Variants in TPRG1 observed in about 807,000 individuals in gnomAD.
TPRG1 encodes the protein tumor protein p63 regulated 1.
A neutral mutation model predicts 29.3 loss-of-function variants in TPRG1; 29 were observed. The ratio of observed to expected loss-of-function variants is 0.99; its 90% CI spans 0.74 to 1.35. TPRG1 has a LOEUF of 1.35. TPRG1 is among the 40% of genes most tolerant of loss of function. The probability of loss-of-function intolerance (pLI) is 0.00; values close to 1 mark genes in which losing one functional copy is unlikely to be tolerated. For synonymous variants in TPRG1, 130 were observed against 116.8 expected, an observed-to-expected ratio of 1.11 and a Z score of -0.73; for missense variants, 327 against 335.0, an observed-to-expected ratio of 0.98 and a Z score of 0.19.
intron 5 of TPRG1, among the ~76,000 whole-genome samples, chr3:189,312,434 C>T (rs1427532024): frequency 6.6e-6 from 1 of 151,764 alleles, no homozygotes; most frequent in African/African-American, 2.4e-5. Flanking sequence ...CATCTGGTTC[C>T]GACCATTAAA....
intron 5 of TPRG1, among the ~76,000 whole-genome samples, chr3:189,163,612 C>T (rs1300962534): frequency 6.6e-6 from 1 of 152,078 alleles, no homozygotes; most frequent in Non-Finnish European, 1.5e-5. Context: ...TACGGGGCAA[C>T]AAGTTTCCTT....
At chr3:189,200,915 G>A (rs1478885343) in intron 1 of TPRG1, among the ~76,000 whole-genome samples, 2 of 152,126 alleles carry the variant, frequency 1.3e-5, no homozygotes, top group Non-Finnish European at 2.9e-5. Context: ...AGGTGATTAG[G>A]CTATAAGGGC....
chr3:189,053,440 G>T lies in TPRG1; in HGVS notation c.-463+29494G>T, dbSNP rs975331629. Among the ~76,000 whole-genome samples, 12 of 151,974 alleles carry T rather than the reference G, an allele frequency of 7.9e-5. 1 individual carries two copies. Among genetic ancestry groups the T allele is most frequent in the Admixed American group, 2.0e-4 (3 of 15,262 alleles). ...TTCTTTCTCAGGAAACCAAACATTT[G>T]GGCTCCCGGATAGTATCAAGGAATT... On this transcript the variant is annotated intron_variant, in intron 4 of 10. Coordinates refer to the TPRG1 transcript ENST00000433971.
intron 4 of TPRG1, among the ~76,000 whole-genome samples, chr3:189,305,222 C>T (rs1293999689): frequency 1.3e-5 from 2 of 152,126 alleles, no homozygotes; most frequent in African/African-American, 2.4e-5. Context: ...GCTATGTTGC[C>T]CTATGCAAGA....
chr3:189,043,771 T>G (rs1270965077), intron 4 of TPRG1, among the ~76,000 whole-genome samples: 9 of 152,114 alleles, frequency 5.9e-5, no homozygotes, highest in Admixed American at 5.9e-4. Context: ...GTTGAATCAC[T>G]GTTTAAAACT....
In TPRG1 at chr3:189,312,097, GTTTCTTTGTTTCTTTC is replaced by G. The variant is rs1560688694; in HGVS notation, c.633+1562_633+1577del. ...ACACTTTATGTTTCTTTCTTTCTTT[GTTTCTTTGTTTCTTTC>G]TTTGTTTCTTTCTTTCTTTCTTTCT... is the stretch of plus-strand genomic sequence containing the variant. On this transcript the variant is annotated intron_variant, in intron 5 of 5. Coordinates refer to ENST00000345063, the MANE Select transcript of TPRG1 (RefSeq NM_198485.4). 6.5e-3 allele frequency among the ~76,000 whole-genome samples: 457 copies of G among 70,738 alleles called. 14 individuals are homozygous for G. The highest frequency in any genetic ancestry group is 0.019 in the African/African-American group (322 of 17,200). 46.4% of individuals were successfully genotyped at this position (70,738 alleles called of 152,430 possible). A position where few individuals can be genotyped will look rare whatever the true frequency, so the allele number is the denominator to read the frequency against.
chr3:189,033,678 C>T (rs1010010426), intron 4 of TPRG1, among the ~76,000 whole-genome samples: 4 of 151,862 alleles, frequency 2.6e-5, no homozygotes, highest in African/African-American at 9.7e-5. Context: ...CTCCCGGGTT[C>T]ATGCCATTCT....
At chr3:189,089,238 A>C (rs1718177320) in intron 4 of TPRG1, among the ~76,000 whole-genome samples, 1 of 152,206 alleles carries the variant, frequency 6.6e-6, no homozygotes, top group Non-Finnish European at 1.5e-5. Flanking sequence ...CATCTGTAGA[A>C]TCACATGGGA....
At chr3:189,031,346 C>T (rs575595023) in intron 4 of TPRG1, among the ~76,000 whole-genome samples, 15 of 151,802 alleles carry the variant, frequency 9.9e-5, no homozygotes, top group African/African-American at 2.7e-4. Context: ...GGTTGAAAAG[C>T]GAACAAGGCA....
chr3:189,207,494 T>A lies in TPRG1; in HGVS notation c.110T>A (p.Met37Lys). Reference sequence around the variant, plus strand: ...CTATCGATGGAGGAAGAGGACCCGATGCCAAGACAGATTTCAAGGCAGTCA... The same window carrying A: ...CTATCGATGGAGGAAGAGGACCCGAAGCCAAGACAGATTTCAAGGCAGTCA... ...DHLSMEEEDP[M>K]PRQISRQSSV... The change falls in exon 2 of 6, where the codon ATG (methionine) becomes AAG (lysine). Residue 37 changes from methionine to lysine, a missense_variant. By Grantham distance (95) the Met-to-Lys change is moderately conservative (BLOSUM62 -1). Coordinates refer to ENST00000345063, the MANE Select transcript of TPRG1 (RefSeq NM_198485.4). The A allele has an allele frequency of 6.2e-7, 1 of 1,614,078 alleles. No individual in the cohort carries two copies. Among genetic ancestry groups the A allele is most frequent in the South Asian group, 1.1e-5 (1 of 91,084 alleles).
At chr3:189,154,303 T>G (rs984649698) in intron 5 of TPRG1, among the ~76,000 whole-genome samples, 14 of 152,222 alleles carry the variant, frequency 9.2e-5, no homozygotes, top group African/African-American at 3.4e-4. Context: ...AGAAGTAATT[T>G]TATTCATTGA....
intron 4 of TPRG1, among the ~76,000 whole-genome samples, chr3:189,308,602 G>T (rs1233698041): frequency 6.6e-6 from 1 of 152,180 alleles, no homozygotes; most frequent in Non-Finnish European, 1.5e-5. Flanking sequence ...TCTGAGAAAG[G>T]TCCTTTTTAT....
In TPRG1 at chr3:189,320,887, A is replaced by G; in HGVS notation, c.*67A>G. 1 of 1,296,252 alleles carries G rather than the reference A, an allele frequency of 7.7e-7. No homozygotes were observed. The allele number at this position is 1,296,252 out of a possible 1,614,324, so 80.3% of individuals were successfully genotyped here. ...CACTTTGAAAATTCCAGTTTGACCC[A>G]CGCTATTTTTGGACTGAAACAATTA... On this transcript the variant is annotated 3_prime_UTR_variant, in exon 6 of 6. Transcript: ENST00000345063.
chr3:189,215,390 A>G lies in TPRG1; in HGVS notation c.302+7A>G. ...GCTTCTGGCTCTTGACAAAGTGAGT[A>G]GTCACAGCTAAGTGAAGGGCCGTGG... is the stretch of plus-strand genomic sequence containing the variant. On this transcript the variant is annotated splice_region_variant and intron_variant, in intron 3 of 5. Transcript: ENST00000345063. The G allele has an allele frequency of 6.2e-7, 1 of 1,608,958 alleles. No homozygotes were observed. The highest frequency in any genetic ancestry group is 8.5e-7 in the Non-Finnish European group (1 of 1,177,358).
chr3:189,098,500 G>A (rs7646700), upstream of TPRG1, among the ~76,000 whole-genome samples: 6,905 of 152,096 alleles, frequency 0.045, 507 homozygotes, highest in African/African-American at 0.16. Flanking sequence ...GGGTACTGGG[G>A]GCAGACAAGA....
intron 4 of TPRG1, among the ~76,000 whole-genome samples, chr3:189,270,216 G>GAAA (rs1363891401): frequency 6.6e-6 from 1 of 152,002 alleles, no homozygotes; most frequent in Non-Finnish European, 1.5e-5. Context: ...GGTCCAGGTG[G>GAAA]TTTTACAGAA....
At chr3:189,253,083 A>T (rs1742538792) in intron 4 of TPRG1, among the ~76,000 whole-genome samples, 1 of 152,126 alleles carries the variant, frequency 6.6e-6, no homozygotes, top group East Asian at 1.9e-4. Context: ...TCTGGGATAC[A>T]TGTGCAGAAT....
chr3:189,298,545 T>A (rs561743090), intron 4 of TPRG1, among the ~76,000 whole-genome samples: 53 of 152,310 alleles, frequency 3.5e-4, no homozygotes, highest in African/African-American at 1.2e-3. Context: ...ACTTCTTTTA[T>A]TACATAAAAG....
chr3:189,022,042 C>T (rs1036635469), intron 3 of TPRG1, among the ~76,000 whole-genome samples: 20 of 152,206 alleles, frequency 1.3e-4, no homozygotes, highest in African/African-American at 4.8e-4. Flanking sequence ...GAGGCTTCTG[C>T]ATTCTTCACG....
Sources: allele counts gnomAD v4.1 joint callset (sites outside exome capture counted in the v4.1 genomes callset), GRCh38; gene constraint gnomAD v4.1.1; transcripts MANE v1.5; gene names NCBI Gene and HGNC (gene_info 2026-07-23, HGNC 2026-07-21).